MTMR8: variants seen among roughly 807,000 people sequenced by gnomAD.
The protein encoded by MTMR8 is phosphatidylinositol-3,5-bisphosphate 3-phosphatase MTMR8.
Under a neutral mutation model 39.3 loss-of-function variants are expected in MTMR8, and 65 were observed. That is an observed-to-expected ratio of 1.65 (90% CI 1.35 to 2.03). The LOEUF (loss-of-function observed/expected upper bound fraction) is 2.03. Among genes scored for constraint, MTMR8 ranks in the 30% most tolerant of loss-of-function variants. The pLI, the probability that MTMR8 is intolerant of heterozygous loss-of-function variation, is 0.00. For missense variants in MTMR8, 777 were observed against 538.9 expected (o/e 1.44, Z -4.37); for synonymous variants, 245 against 185.2 (o/e 1.32, Z -2.62).
chrX:64,272,714 C>G (rs751200352), intron 12 of MTMR8, among the ~76,000 whole-genome samples: 1 of 110,817 alleles, frequency 9.0e-6, no homozygotes, highest in South Asian at 3.8e-4. Flanking sequence ...GAAATCCACA[C>G]TAAGACATAT....
chrX:64,366,307 T>C (rs990234566), intron 1 of MTMR8, among the ~76,000 whole-genome samples: 12 of 111,890 alleles, frequency 1.1e-4, no homozygotes, highest in Non-Finnish European at 2.1e-4. Context: ...ATATACATTC[T>C]TCTCAGCACT....
chrX:64,271,185 T>C, intron 12 of MTMR8, 112 bp from the exon 13 acceptor site: 1 of 759,279 alleles, frequency 1.3e-6, no homozygotes, highest in Non-Finnish European at 1.8e-6. Flanking sequence ...GAAAATCTCA[T>C]GAGTACTGTA....
chrX:64,272,990 G>T (rs1427172575), intron 12 of MTMR8, among the ~76,000 whole-genome samples: 1 of 111,525 alleles, frequency 9.0e-6, no homozygotes, highest in Admixed American at 9.5e-5. Context: ...ACAAACAAAA[G>T]CTAAGGGAGT....
At chrX:64,281,779 A>G (rs1041472403) in intron 12 of MTMR8, among the ~76,000 whole-genome samples, 1 of 110,987 alleles carries the variant, frequency 9.0e-6, no homozygotes, top group East Asian at 2.8e-4. Flanking sequence ...AATGGGAGAA[A>G]ATTTTTGCAA....
At chrX:64,343,446 C>T (rs1267722176) in intron 8 of MTMR8, among the ~76,000 whole-genome samples, 165 bp downstream of exon 8, 2 of 112,042 alleles carry the variant, frequency 1.8e-5, no homozygotes, top group Admixed American at 1.9e-4. Context: ...GACACTGAGA[C>T]CCAGAGAAGA....
intron 12 of MTMR8, among the ~76,000 whole-genome samples, chrX:64,296,505 A>C (rs1460934791): frequency 3.6e-5 from 4 of 110,044 alleles, no homozygotes; most frequent in Non-Finnish European, 7.6e-5. Flanking sequence ...AAAAAATACC[A>C]TGGGGCCAGA....
At chrX:64,385,874 C>T (rs966679729) in intron 1 of MTMR8, among the ~76,000 whole-genome samples, 1 of 111,403 alleles carries the variant, frequency 9.0e-6, no homozygotes, top group African/African-American at 3.3e-5. Context: ...GACAAAGATC[C>T]TAATCACATC....
intron 12 of MTMR8, among the ~76,000 whole-genome samples, chrX:64,299,817 C>T (rs1921776454): frequency 1.0e-5 from 1 of 99,250 alleles, no homozygotes; most frequent in African/African-American, 3.7e-5. Context: ...ATCTTTACTT[C>T]TGCCTTCATT....
chrX:64,302,456 C>G (rs921318022), intron 12 of MTMR8, among the ~76,000 whole-genome samples: 21 of 112,066 alleles, frequency 1.9e-4, no homozygotes, highest in Non-Finnish European at 3.6e-4. Flanking sequence ...CTGGCCTGCG[C>G]CCACTGTCTG....
intron 8 of MTMR8, among the ~76,000 whole-genome samples, chrX:64,342,104 T>C (rs1923233502): frequency 8.9e-6 from 1 of 112,035 alleles, no homozygotes; most frequent in Non-Finnish European, 1.9e-5. Context: ...ATTTTGAGTT[T>C]AAAGTGACAT....
At chrX:64,325,928 C>A (rs1922777813) in intron 12 of MTMR8, among the ~76,000 whole-genome samples, 1 of 111,741 alleles carries the variant, frequency 8.9e-6, no homozygotes, top group African/African-American at 3.2e-5. Flanking sequence ...CCCTTGCACA[C>A]TGGAAAATCA....
intron 12 of MTMR8, chrX:64,306,638 C>G (rs1922128031): frequency 8.8e-6 from 1 of 113,317 alleles, no homozygotes; most frequent in African/African-American, 3.3e-5. Flanking sequence ...TTCCTTAATT[C>G]AACTACAACT....
At chrX:64,386,015 G>T (rs997971871) in intron 1 of MTMR8, among the ~76,000 whole-genome samples, 1 of 110,543 alleles carries the variant, frequency 9.0e-6, no homozygotes, top group Non-Finnish European at 1.9e-5. Context: ...ATCCCCAAAC[G>T]GACCAGTTTT....
At chrX:64,282,023 C>T (rs1044788789) in intron 12 of MTMR8, among the ~76,000 whole-genome samples, 5 of 110,634 alleles carry the variant, frequency 4.5e-5, no homozygotes, top group South Asian at 3.8e-4. Context: ...CCACCCAATA[C>T]TATCTCATGC....
At position 64,297,286 on chromosome X, in the gene MTMR8, G is replaced by C. The variant is rs765241603; in HGVS notation, c.1482-26213C>G. Reference sequence around the variant, plus strand: ...ATGATTGCCATTCTAACTGGTGTGAGATAGTATCTCATAGTGGTTTTGATT... The same window carrying C: ...ATGATTGCCATTCTAACTGGTGTGACATAGTATCTCATAGTGGTTTTGATT... On this transcript the variant is annotated intron_variant, in intron 12 of 13. Transcript: ENST00000374852. Among the ~76,000 whole-genome samples, 4 of 109,055 alleles carry C rather than the reference G, an allele frequency of 3.7e-5. No individual in the cohort carries two copies. The East Asian group carries it at 8.8e-4, about 24-fold the overall frequency. The allele number at this position is 109,055 out of a possible 115,157, so 94.7% of individuals were successfully genotyped here.
chrX:64,326,516 A>G (rs1025739692), intron 12 of MTMR8, among the ~76,000 whole-genome samples: 1 of 111,719 alleles, frequency 9.0e-6, no homozygotes, highest in African/African-American at 3.2e-5. Context: ...ACTGAAAACT[A>G]TAAAACATTG....
chrX:64,374,551 C>A (rs1177272165), intron 1 of MTMR8, among the ~76,000 whole-genome samples: 8 of 111,300 alleles, frequency 7.2e-5, no homozygotes, highest in African/African-American at 2.6e-4. Context: ...AAGGAAGTAC[C>A]ATCAGTATTT....
chrX:64,359,486 T>C lies in MTMR8; in HGVS notation c.66A>G (p.Lys22=). The change falls in exon 2 of 14, where the codon AAA becomes AAG. Residue 22 remains lysine (K), a synonymous_variant. Coordinates refer to ENST00000374852, the MANE Select transcript of MTMR8 (RefSeq NM_017677.4). ...VKLVDRYVSK[K]PANGILYLTA... ...TAAGATAAAGAATCCCATTAGCTGG[T>C]TTCTTACTCACATAACGATCCACCA... 1 of 1,206,773 alleles carries C rather than the reference T, an allele frequency of 8.3e-7. No homozygotes were observed. Among genetic ancestry groups the C allele is most frequent in the Non-Finnish European group, 1.1e-6 (1 of 892,265 alleles).
At chrX:64,364,272 C>T (rs138334253) in intron 1 of MTMR8, among the ~76,000 whole-genome samples, 1,592 of 112,372 alleles carry the variant, frequency 0.014, 41 homozygotes, top group African/African-American at 0.049. Context: ...TGAGAAAGGA[C>T]GGAATGCATC....
Sources: allele counts gnomAD v4.1 joint callset (sites outside exome capture counted in the v4.1 genomes callset), GRCh38; gene constraint gnomAD v4.1.1; transcripts MANE v1.5; gene names NCBI Gene and HGNC (gene_info 2026-07-23, HGNC 2026-07-21).